Variants in SHOC1 observed in about 807,000 individuals in gnomAD.
SHOC1 encodes shortage in chiasmata 1.
A neutral mutation model predicts 179.2 loss-of-function variants in SHOC1; 136 were observed. That is an observed-to-expected ratio of 0.76 (90% CI 0.66 to 0.87). The LOEUF is 0.87. Ranked by LOEUF, SHOC1 falls within the 40% of genes least tolerant of loss-of-function variation. The probability of loss-of-function intolerance (pLI) is 0.00; values close to 1 mark genes in which losing one functional copy is unlikely to be tolerated. For synonymous variants in SHOC1, 489 were observed against 586.6 expected (o/e 0.83, Z 2.41); for missense variants, 1,538 against 1,700.8 (o/e 0.90, Z 1.68).
intron 6 of SHOC1, among the ~76,000 whole-genome samples, chr9:111,758,488 C>T (rs10981056): frequency 0.19 from 28,697 of 152,244 alleles, 2,903 homozygotes; most frequent in Non-Finnish European, 0.22. Context: ...CTCAGCAAGG[C>T]TGAGGCAGGA....
rs111463162 is a variant in SHOC1, at chr9:111,746,457, T to C, written c.971-115A>G. The C allele has an allele frequency of 5.7e-3, 3,382 of 593,212 alleles. 81 individuals are homozygous for C. The highest frequency in any genetic ancestry group is 0.055 in the African/African-American group (2,947 of 53,922). 36.7% of individuals were successfully genotyped at this position (593,212 alleles called of 1,614,324 possible). On this transcript the variant is annotated intron_variant, in intron 9 of 27. Coordinates refer to ENST00000682961, the MANE Select transcript of SHOC1 (RefSeq NM_001378211.1). Reference sequence around the variant, plus strand: ...TGGGAGGCTGAGGTAGGAGGATCACTTGAGTCCAGGAGTTTAAGACCTGGG... The same window carrying C: ...TGGGAGGCTGAGGTAGGAGGATCACCTGAGTCCAGGAGTTTAAGACCTGGG...
At chr9:111,689,761 T>C (rs1009788402) in intron 27 of SHOC1, among the ~76,000 whole-genome samples, 2 of 152,138 alleles carry the variant, frequency 1.3e-5, no homozygotes, top group African/African-American at 4.8e-5. Context: ...GAGTATGTGA[T>C]TTAAAAATAT....
rs555241399 is a variant in SHOC1, at chr9:111,776,672, C to T, written c.258-697G>A. Among the ~76,000 whole-genome samples, 10 of 152,306 alleles carry T rather than the reference C, an allele frequency of 6.6e-5. No individual in the cohort carries two copies. The South Asian group carries it at 2.1e-3, about 32-fold the overall frequency. The stretch of plus-strand genomic sequence containing the variant: ...GAGGGAGACAGGTTGGAATATTATT[C>T]CTCCCAAATACTTCTCTGTTAGGCC... On this transcript the variant is annotated intron_variant, in intron 4 of 27. Transcript: ENST00000682961.
chr9:111,700,923 T>C (rs1415488476), intron 23 of SHOC1, among the ~76,000 whole-genome samples: 2 of 152,196 alleles, frequency 1.3e-5, no homozygotes, highest in Non-Finnish European at 2.9e-5. Context: ...ACAAGTGTTA[T>C]AACTGTTTGT....
intron 15 of SHOC1, among the ~76,000 whole-genome samples, chr9:111,721,506 A>G (rs923371248): frequency 6.6e-6 from 1 of 152,076 alleles, no homozygotes; most frequent in African/African-American, 2.4e-5. Flanking sequence ...CACCAGGCTA[A>G]TTATTGCATT....
chr9:111,689,760 A>C (rs746394330), intron 27 of SHOC1, among the ~76,000 whole-genome samples: 7 of 152,148 alleles, frequency 4.6e-5, no homozygotes, highest in Admixed American at 2.0e-4. Flanking sequence ...AGAGTATGTG[A>C]TTTAAAAATA....
intron 7 of SHOC1, among the ~76,000 whole-genome samples, chr9:111,757,055 A>G (rs552848293): frequency 1.5e-4 from 23 of 152,214 alleles, no homozygotes; most frequent in Non-Finnish European, 2.8e-4. Flanking sequence ...AAGTGCTTTA[A>G]GTCCATTAAA....
chr9:111,720,533 T>C (rs1252094003), intron 15 of SHOC1, among the ~76,000 whole-genome samples: 1 of 152,232 alleles, frequency 6.6e-6, no homozygotes, highest in Non-Finnish European at 1.5e-5. Flanking sequence ...TTTCTTCAAA[T>C]ATTTTTTCCA....
At chr9:111,790,202 C>A (rs1380685504) in intron 2 of SHOC1, among the ~76,000 whole-genome samples, 4 of 152,158 alleles carry the variant, frequency 2.6e-5, no homozygotes. Context: ...TCATGAAGTA[C>A]TTATGATGAT....
At chr9:111,703,186 G>T (rs1832065715) in intron 22 of SHOC1, among the ~76,000 whole-genome samples, 1 of 152,054 alleles carries the variant, frequency 6.6e-6, no homozygotes, top group Non-Finnish European at 1.5e-5. Context: ...ACAAGACACA[G>T]TATCTCTTAA....
chr9:111,748,848 T>C (rs1176877979), intron 8 of SHOC1, among the ~76,000 whole-genome samples: 1 of 136,072 alleles, frequency 7.3e-6, no homozygotes, highest in Non-Finnish European at 1.6e-5. Context: ...CCCTCCTTTG[T>C]TTCCAGCTGT....
intron 17 of SHOC1, 40 bp downstream of exon 17, chr9:111,714,405 T>C: frequency 6.2e-7 from 1 of 1,603,224 alleles, no homozygotes; most frequent in Non-Finnish European, 8.5e-7. Context: ...CAATTCTTAC[T>C]TAAACTGATT....
At chr9:111,777,769 C>T (rs1835888434) in intron 4 of SHOC1, among the ~76,000 whole-genome samples, 1 of 151,942 alleles carries the variant, frequency 6.6e-6, no homozygotes, top group Non-Finnish European at 1.5e-5. Context: ...CTAATAATAC[C>T]CTTGTACAGA....
At chr9:111,779,972 T>C (rs75922349) in intron 4 of SHOC1, among the ~76,000 whole-genome samples, 2,152 of 152,360 alleles carry the variant, frequency 0.014, 46 homozygotes, top group African/African-American at 0.048. Context: ...TTTTTCACTA[T>C]GCCTTTCTGC....
chr9:111,766,768 C>T lies in SHOC1; in HGVS notation c.443-7920G>A, dbSNP rs188792393. Among the ~76,000 whole-genome samples, 229 of 152,218 alleles carry T rather than the reference C, an allele frequency of 1.5e-3. 3 individuals carry two copies. Among genetic ancestry groups the T allele is most frequent in the Non-Finnish European group, 4.3e-4 (29 of 68,002 alleles). On this transcript the variant is annotated intron_variant, in intron 5 of 27. Coordinates refer to ENST00000682961, the MANE Select transcript of SHOC1 (RefSeq NM_001378211.1). ...CTGGGATTATAGATGGCTGCCACCA[C>T]GCCTGGCTAATTTTTGTATTTTTAG...
intron 5 of SHOC1, among the ~76,000 whole-genome samples, chr9:111,767,980 A>T (rs1029789248): frequency 5.9e-5 from 9 of 151,442 alleles, no homozygotes; most frequent in Non-Finnish European, 2.9e-5. Flanking sequence ...TGGCAATATT[A>T]ATTTAGTAAT....
intron 12 of SHOC1, among the ~76,000 whole-genome samples, chr9:111,735,048 C>G (rs1324856950): frequency 6.6e-6 from 1 of 152,122 alleles, no homozygotes; most frequent in Non-Finnish European, 1.5e-5. Flanking sequence ...TTAGCTCCCA[C>G]TAGAACATGC....
intron 4 of SHOC1, among the ~76,000 whole-genome samples, chr9:111,779,562 GC>G (rs1226975786): frequency 1.3e-5 from 2 of 151,944 alleles, no homozygotes; most frequent in Non-Finnish European, 2.9e-5. Context: ...CTCTTTGATT[GC>G]CCAGCCCAAG....
intron 9 of SHOC1, 97 bp from the exon 10 acceptor site, chr9:111,746,439 C>CTGAGG: frequency 1.5e-6 from 1 of 688,326 alleles, no homozygotes; most frequent in East Asian, 2.9e-5. Context: ...CTTTGGGAGG[C>CTGAGG]TGAGGTAGGA....
Sources: gnomAD v4.1 joint callset for allele counts (sites outside exome capture counted in the v4.1 genomes callset) on GRCh38, gnomAD v4.1.1 for gene constraint, MANE v1.5 for transcripts, NCBI Gene and HGNC (gene_info 2026-07-23, HGNC 2026-07-21) for gene names.